Variants in MYBL1 observed in about 807,000 individuals in gnomAD.
The protein encoded by MYBL1 is myb-related protein A.
MYBL1 carries 17 observed loss-of-function variants against 96.3 expected under a neutral mutation model. The observed-to-expected ratio is 0.18, with a 90% CI of 0.12 to 0.26. The LOEUF (loss-of-function observed/expected upper bound fraction) is 0.26, where lower values mean the gene tolerates loss of function less well. Among genes scored for constraint, MYBL1 ranks in the 10% least tolerant of loss-of-function variants. MYBL1 has a pLI of 1.00. For missense variants in MYBL1, 701 were observed against 882.9 expected, an observed-to-expected ratio of 0.79 and a Z score of 2.61; for synonymous variants, 282 against 292.7, an observed-to-expected ratio of 0.96 and a Z score of 0.37.
chr8:66,584,860 T>A (rs1369440615), intron 8 of MYBL1, among the ~76,000 whole-genome samples: 1 of 151,464 alleles, frequency 6.6e-6, no homozygotes, highest in Non-Finnish European at 1.5e-5. Flanking sequence ...CAAGAAAAAC[T>A]ACAAAACACT....
At position 66,613,187 on chromosome 8, in the gene MYBL1, C is replaced by G. The variant is rs1392854678; in HGVS notation, c.-349G>C. 5.0e-6 allele frequency: 2 copies of G among 400,624 alleles called. No homozygotes were observed. Among genetic ancestry groups the G allele is most frequent in the African/African-American group, 4.1e-5 (2 of 48,658 alleles). The allele number at this position is 400,624 out of a possible 1,614,324, so 24.8% of individuals were successfully genotyped here. A position where few individuals can be genotyped will look rare whatever the true frequency, so the allele number is the denominator to read the frequency against. On this transcript the variant is annotated 5_prime_UTR_variant, in exon 1 of 16. Transcript: ENST00000522677. ...CCGGCTCCGCCACAGGCGCCCGACC[C>G]CTGCCCTCTCCCCCGCAGCTAGCAG...
At chr8:66,604,732 T>C (rs1810244154) in intron 1 of MYBL1, among the ~76,000 whole-genome samples, 2 of 152,128 alleles carry the variant, frequency 1.3e-5, no homozygotes, top group African/African-American at 4.8e-5. Flanking sequence ...AGAAATATAT[T>C]AAACTGAGAG....
In MYBL1 at chr8:66,572,357, A is replaced by G. The variant is rs2129745065; in HGVS notation, c.1728+125T>C. The G allele has an allele frequency of 5.7e-6, 3 of 527,582 alleles. No individual in the cohort carries two copies. In the South Asian group the frequency reaches 1.0e-4, roughly 18 times the overall value. The allele number at this position is 527,582 out of a possible 1,614,324, so 32.7% of individuals were successfully genotyped here. A position where few individuals can be genotyped will look rare whatever the true frequency, so the allele number is the denominator to read the frequency against. ...AAAAAAAAACCTTGAAAATCAAAAG[A>G]TAAAGCTTTGTATCTGTTTCAGTAA... On this transcript the variant is annotated intron_variant, in intron 12 of 15. Transcript: ENST00000522677.
chr8:66,573,137 C>A (rs575510863), intron 11 of MYBL1, among the ~76,000 whole-genome samples: 1 of 151,936 alleles, frequency 6.6e-6, no homozygotes, highest in Non-Finnish European at 1.5e-5. Flanking sequence ...TCACTTGAAC[C>A]CGGGAGGCAG....
intron 4 of MYBL1, 70 bp from the exon 5 acceptor site, chr8:66,597,620 A>G: frequency 2.1e-6 from 2 of 950,264 alleles, no homozygotes; most frequent in East Asian, 5.2e-5. Context: ...ATTCAAGAAT[A>G]CCATTTTAAA....
Position 66,587,540 on chromosome 8 carries a change from T to C in MYBL1, c.867+4900A>G, listed in dbSNP as rs141198214. Among the ~76,000 whole-genome samples the C allele has an allele frequency of 1.9e-4, 29 of 152,288 alleles. 1 individual carries two copies. The East Asian group carries it at 5.6e-3, about 29-fold the overall frequency. Reference sequence around the variant, plus strand: ...GCAAGCCTAGTTTTCTAGTGTTTTATAATTAAAAAATAAGAAAAGAGGCCT... The same window carrying C: ...GCAAGCCTAGTTTTCTAGTGTTTTACAATTAAAAAATAAGAAAAGAGGCCT... On this transcript the variant is annotated intron_variant, in intron 8 of 15. Coordinates refer to ENST00000522677, the MANE Select transcript of MYBL1 (RefSeq NM_001080416.4).
At chr8:66,612,430 G>A (rs1184690611) in intron 1 of MYBL1, 3 of 233,082 alleles carry the variant, frequency 1.3e-5, no homozygotes, top group East Asian at 8.1e-5. Flanking sequence ...GAAAAGAGTC[G>A]CCCGAACACC....
At chr8:66,600,514 T>C (rs1810026987) in intron 3 of MYBL1, among the ~76,000 whole-genome samples, 2 of 152,244 alleles carry the variant, frequency 1.3e-5, no homozygotes, top group South Asian at 4.1e-4. Flanking sequence ...TTCCATTTAT[T>C]GAACACCTGC....
intron 1 of MYBL1, among the ~76,000 whole-genome samples, chr8:66,606,038 CAGTCACT>C (rs1204135368): frequency 6.6e-6 from 1 of 152,126 alleles, no homozygotes; most frequent in African/African-American, 2.4e-5. Flanking sequence ...CTCTTGCCCA[CAGTCACT>C]ACTTAACCGC....
chr8:66,570,938 G>A (rs889568948), intron 12 of MYBL1, among the ~76,000 whole-genome samples: 2 of 151,988 alleles, frequency 1.3e-5, no homozygotes, highest in Admixed American at 1.3e-4. Context: ...GGAGCTAAAT[G>A]ACAAAAAGAC....
rs911034253 is a variant in MYBL1 at position 66,575,943 on chromosome 8, T to C, written c.1470+64A>G. 4.1e-5 allele frequency: 62 copies of C among 1,507,004 alleles called. 1 individual carries two copies. Among genetic ancestry groups the C allele is most frequent in the Non-Finnish European group, 4.8e-5 (54 of 1,115,484 alleles). 93.4% of individuals were successfully genotyped at this position (1,507,004 alleles called of 1,614,324 possible). A position where few individuals can be genotyped will look rare whatever the true frequency, so the allele number is the denominator to read the frequency against. ...AAGCTACCAACTGCTAGTAAGGATG[T>C]TAAAGATCTAATTTAATGTAACTCA... On this transcript the variant is annotated intron_variant, in intron 10 of 15. Transcript: ENST00000522677.
At chr8:66,589,397 C>G (rs1043771279) in intron 8 of MYBL1, among the ~76,000 whole-genome samples, 5 of 151,974 alleles carry the variant, frequency 3.3e-5, no homozygotes, top group African/African-American at 1.2e-4. Context: ...ACCGCAGCCT[C>G]AAACCCCTGA....
At chr8:66,609,831 G>C (rs1484118292) in intron 1 of MYBL1, among the ~76,000 whole-genome samples, 2 of 151,926 alleles carry the variant, frequency 1.3e-5, no homozygotes, top group Non-Finnish European at 2.9e-5. Flanking sequence ...GAAAAACTGA[G>C]GCAGAGTTTA....
rs895331533 is a variant in MYBL1 at position 66,564,193 on chromosome 8, G to A, written c.*504C>T. On this transcript the variant is annotated 3_prime_UTR_variant, in exon 16 of 16. Coordinates refer to ENST00000522677, the MANE Select transcript of MYBL1 (RefSeq NM_001080416.4). ...TTCTGAAAAAAAAAACAAAAAATTA[G>A]TAGTGCAACTTTCTATCCTTCCTTT... 1 of 151,534 alleles carries A rather than the reference G, an allele frequency of 6.6e-6. No individual in the cohort carries two copies. Among genetic ancestry groups the A allele is most frequent in the Non-Finnish European group, 1.5e-5 (1 of 67,746 alleles). 9.4% of individuals were successfully genotyped at this position (151,534 alleles called of 1,614,324 possible). A position where few individuals can be genotyped will look rare whatever the true frequency, so the allele number is the denominator to read the frequency against.
chr8:66,608,482 CAT>C (rs899983329), intron 1 of MYBL1, among the ~76,000 whole-genome samples: 1 of 152,052 alleles, frequency 6.6e-6, no homozygotes, highest in Admixed American at 6.5e-5. Flanking sequence ...CTTTCCAATA[CAT>C]GAGACCAAAA....
At chr8:66,582,049 A>G (rs1809231271) in intron 8 of MYBL1, among the ~76,000 whole-genome samples, 1 of 152,204 alleles carries the variant, frequency 6.6e-6, no homozygotes, top group South Asian at 2.1e-4. Context: ...CACAAAGGAG[A>G]AAGATAAAAT....
chr8:66,573,599 T>C (rs1015622629), intron 10 of MYBL1, 93 bp from the exon 11 acceptor site: 5 of 1,108,002 alleles, frequency 4.5e-6, no homozygotes, highest in African/African-American at 1.6e-5. Flanking sequence ...TATTTCTTCA[T>C]ACCTCTTAAA....
intron 2 of MYBL1, 30 bp downstream of exon 2, chr8:66,602,388 A>G (rs570969706): frequency 1.3e-6 from 2 of 1,484,078 alleles, no homozygotes; most frequent in South Asian, 2.4e-5. Context: ...AATACATGTA[A>G]GAAACTATGA....
At chr8:66,588,620 A>T (rs754208320) in intron 8 of MYBL1, among the ~76,000 whole-genome samples, 8 of 152,126 alleles carry the variant, frequency 5.3e-5, no homozygotes, top group African/African-American at 9.7e-5. Flanking sequence ...CCCACTTAAC[A>T]GAGTTAACAT....
Sources: gnomAD v4.1 joint callset for allele counts (sites outside exome capture counted in the v4.1 genomes callset) on GRCh38, gnomAD v4.1.1 for gene constraint, MANE v1.5 for transcripts, NCBI Gene and HGNC (gene_info 2026-07-23, HGNC 2026-07-21) for gene names.